ZNF432: variants seen among roughly 807,000 people sequenced by gnomAD.
ZNF432 encodes the protein zinc finger protein 432.
Under a neutral mutation model 13.9 loss-of-function variants are expected in ZNF432, and 10 were observed. That is an observed-to-expected ratio of 0.72 (90% CI 0.44 to 1.22). The LOEUF (loss-of-function observed/expected upper bound fraction) is 1.22. ZNF432 is among the 50% of genes most tolerant of loss of function. The pLI, the probability that ZNF432 is intolerant of heterozygous loss-of-function variation, is 0.00. For synonymous variants in ZNF432, 247 were observed against 256.2 expected (o/e 0.96, Z 0.34); for missense variants, 793 against 796.2 (o/e 1.00, Z 0.05).
At chr19:52,047,083 G>C in intron 1 of ZNF432, 23 bp from the exon 2 acceptor site, 1 of 477,232 alleles carries the variant, frequency 2.1e-6, no homozygotes, top group Admixed American at 3.7e-5. Flanking sequence ...ACAACTTTCA[G>C]GGGTACATTC....
intron 4 of ZNF432, 76 bp downstream of exon 4, chr19:52,040,412 T>C: frequency 4.7e-6 from 6 of 1,276,550 alleles, no homozygotes; most frequent in Non-Finnish European, 6.9e-6. Context: ...GCACTGCTTC[T>C]GTGTCCTCAG....
intron 4 of ZNF432, among the ~76,000 whole-genome samples, chr19:52,036,719 G>T (rs2123148598): frequency 6.6e-6 from 1 of 152,036 alleles, no homozygotes; most frequent in South Asian, 2.1e-4. Context: ...CACCCAGGCT[G>T]GCATGCAGTG....
Position 52,046,919 on chromosome 19 carries a change from T to A in ZNF432, c.-51A>T. On this transcript the variant is annotated 5_prime_UTR_variant, in exon 2 of 5. Coordinates refer to ENST00000221315, the MANE Select transcript of ZNF432 (RefSeq NM_014650.4). ...GCACCTGGGATACTCTGTCTTTGTC[T>A]CCTCTGGATCTGCCTTAAATTTCTA... 1 of 1,597,922 alleles carries A rather than the reference T, an allele frequency of 6.3e-7. No homozygotes were observed. The highest frequency in any genetic ancestry group is 8.5e-7 in the Non-Finnish European group (1 of 1,172,088).
chr19:52,033,910 ACTTG>A lies in ZNF432; in HGVS notation c.1765_1768del (p.Gln589PhefsTer19). The A allele has an allele frequency of 6.2e-7, 1 of 1,613,796 alleles. No individual in the cohort carries two copies. The highest frequency in any genetic ancestry group is 8.5e-7 in the Non-Finnish European group (1 of 1,179,922). ...TCCATAAGGTTTTTCTCCAGTATGAACTTGCTTATGTAAAGCAAGCTCTGTTTCC... is the reference window on the plus strand; with the variant it reads ...TCCATAAGGTTTTTCTCCAGTATGAACTTATGTAAAGCAAGCTCTGTTTCC... On this transcript the variant is annotated frameshift_variant, in exon 5 of 5. Coordinates refer to ENST00000221315, the MANE Select transcript of ZNF432 (RefSeq NM_014650.4). LOFTEE classifies it low-confidence loss of function (END_TRUNC).
At chr19:52,040,177 C>A (rs1016421836) in intron 4 of ZNF432, among the ~76,000 whole-genome samples, 1 of 152,142 alleles carries the variant, frequency 6.6e-6, no homozygotes, top group African/African-American at 2.4e-5. Context: ...TAAGTTATGA[C>A]CTGGTTTGGT....
At position 52,046,853 on chromosome 19, in the gene ZNF432, C is replaced by T. The variant is rs771784760; in HGVS notation, c.15+1G>A. The T allele has an allele frequency of 5.0e-6, 8 of 1,613,564 alleles. No individual in the cohort carries two copies. The highest frequency in any genetic ancestry group is 6.8e-6 in the Non-Finnish European group (8 of 1,179,770). ...AGAGAATAAAATAGAGAAAAAGTCA[C>T]CTGGGCATTGATCATTTTCTTCTGT... On this transcript the variant is annotated splice_donor_variant, in intron 2 of 4. Coordinates refer to ENST00000221315, the MANE Select transcript of ZNF432 (RefSeq NM_014650.4). LOFTEE classifies it high-confidence loss of function.
At chr19:52,041,715 A>G (rs2087138630) in intron 2 of ZNF432, 109 bp from the exon 3 acceptor site, 2 of 1,254,904 alleles carry the variant, frequency 1.6e-6, no homozygotes, top group Admixed American at 4.4e-5. Flanking sequence ...GACTGCATCC[A>G]TCTATAAGTC....
intron 4 of ZNF432, among the ~76,000 whole-genome samples, chr19:52,038,723 C>A (rs1490585963): frequency 6.6e-6 from 1 of 152,152 alleles, no homozygotes; most frequent in African/African-American, 2.4e-5. Flanking sequence ...CTTAATTAAC[C>A]CCTTTATTGT....
intron 2 of ZNF432, among the ~76,000 whole-genome samples, chr19:52,042,518 C>T (rs7258261): frequency 0.19 from 29,601 of 152,004 alleles, 3,219 homozygotes; most frequent in East Asian, 0.38. Context: ...CACTGTACTC[C>T]AGCCTGGGTG....
chr19:52,047,726 CAT>C (rs991493431), intron 1 of ZNF432, among the ~76,000 whole-genome samples: 40 of 147,718 alleles, frequency 2.7e-4, no homozygotes, highest in African/African-American at 9.8e-4. Context: ...ACAAGAAACA[CAT>C]AGAAAAAAAG....
chr19:52,048,183 A>ACGCACACACACACACACACACAC (rs67232726), intron 1 of ZNF432, among the ~76,000 whole-genome samples: 1 of 145,374 alleles, frequency 6.9e-6, no homozygotes, highest in Admixed American at 6.8e-5. Context: ...ACACACACAC[A>ACGCACACACACACACACACACAC]AAACCAGCCA....
At chr19:52,048,128 AACACACACACACACACACACACAC>A (rs3138637) in intron 1 of ZNF432, among the ~76,000 whole-genome samples, 33 of 103,340 alleles carry the variant, frequency 3.2e-4, no homozygotes, top group Non-Finnish European at 5.4e-4. Context: ...GTTTGAGCTC[AACACACACACACACACACACACAC>A]ACACACACAC....
At chr19:52,043,661 G>C (rs956133055) in intron 2 of ZNF432, among the ~76,000 whole-genome samples, 3 of 152,132 alleles carry the variant, frequency 2.0e-5, no homozygotes, top group Admixed American at 6.5e-5. Context: ...GGAATGTCTC[G>C]GTATAAAACC....
At chr19:52,044,964 C>T (rs921680251) in intron 2 of ZNF432, among the ~76,000 whole-genome samples, 2 of 152,164 alleles carry the variant, frequency 1.3e-5, no homozygotes, top group African/African-American at 2.4e-5. Context: ...AGAAGAAATG[C>T]GTTGGGCCAT....
chr19:52,044,653 T>G (rs1286707079), intron 2 of ZNF432, among the ~76,000 whole-genome samples: 1 of 152,024 alleles, frequency 6.6e-6, no homozygotes, highest in Non-Finnish European at 1.5e-5. Flanking sequence ...ATGAGGAAAA[T>G]GCAAAATAAG....
rs780740060 is a variant in ZNF432 at position 52,034,520 on chromosome 19, G to A, written c.1159C>T (p.Arg387Cys). The A allele has an allele frequency of 1.1e-5, 17 of 1,612,340 alleles. No individual in the cohort carries two copies. The highest frequency in any genetic ancestry group is 6.7e-5 in the East Asian group (3 of 44,756). The change falls in exon 5 of 5, where the codon CGT becomes TGT. Residue 387 changes from arginine to cysteine, a missense_variant. Coordinates refer to ENST00000221315, the MANE Select transcript of ZNF432 (RefSeq NM_014650.4). Reference sequence around the variant, plus strand: ...TGAGTTCGTTGATGTTCGATCATACGGCTCTTCATGGTGAAGCCTTTCCCA... The same window carrying A: ...TGAGTTCGTTGATGTTCGATCATACAGCTCTTCATGGTGAAGCCTTTCCCA... Reference protein sequence around the residue: ...ECGKGFTMKSRMIEHQRTHTG... With the variant: ...ECGKGFTMKSCMIEHQRTHTG...
intron 4 of ZNF432, among the ~76,000 whole-genome samples, chr19:52,037,460 G>A (rs2087093021): frequency 6.6e-6 from 1 of 152,112 alleles, no homozygotes; most frequent in Non-Finnish European, 1.5e-5. Context: ...CATGGGATAT[G>A]AAAACTGTCA....
chr19:52,037,836 T>A (rs2087099476), intron 4 of ZNF432, among the ~76,000 whole-genome samples: 1 of 150,576 alleles, frequency 6.6e-6, no homozygotes, highest in African/African-American at 2.5e-5. Flanking sequence ...CCCATTTCAA[T>A]GTCCCTGATA....
chr19:52,034,287 T>C lies in ZNF432; in HGVS notation c.1392A>G (p.Lys464=). The stretch of plus-strand genomic sequence containing the variant: ...TCAGCCGACTCTTCAAGGGGAAGCC[T>C]TTCCCACATTCACTGCATGTGTAGG... The part of the protein sequence containing the change: ...EKPYTCSECG[K]GFPLKSRLIV... The change falls in exon 5 of 5, where the codon AAA becomes AAG. Residue 464 remains lysine, a synonymous_variant. Transcript: ENST00000221315. 6.2e-7 allele frequency: 1 copy of C among 1,609,810 alleles called. No homozygotes were observed. Among genetic ancestry groups the C allele is most frequent in the Non-Finnish European group, 8.5e-7 (1 of 1,177,222 alleles).
Sources: gnomAD v4.1 joint callset for allele counts (sites outside exome capture counted in the v4.1 genomes callset) on GRCh38, gnomAD v4.1.1 for gene constraint, MANE v1.5 for transcripts, NCBI Gene and HGNC (gene_info 2026-07-23, HGNC 2026-07-21) for gene names.